Variants in CNTN5 observed in about 807,000 individuals in gnomAD.
CNTN5 encodes contactin 5.
Under a neutral mutation model 129.1 loss-of-function variants are expected in CNTN5, and 77 were observed. The ratio of observed to expected loss-of-function variants is 0.60; its 90% CI spans 0.50 to 0.72. CNTN5 has a LOEUF of 0.72. Among genes scored for constraint, CNTN5 ranks in the 30% least tolerant of loss-of-function variants. The pLI, the probability that CNTN5 is intolerant of heterozygous loss-of-function variation, is 0.00. For synonymous variants in CNTN5, 509 were observed against 465.6 expected (o/e 1.09, Z -1.20); for missense variants, 1,478 against 1,328.8 (o/e 1.11, Z -1.75).
At chr11:99,909,975 G>T (rs1384574323) in intron 6 of CNTN5, among the ~76,000 whole-genome samples, 1 of 150,926 alleles carries the variant, frequency 6.6e-6, no homozygotes, top group Non-Finnish European at 1.5e-5. Context: ...AATAAAAAAA[G>T]AATTGTAGCA....
intron 4 of CNTN5, among the ~76,000 whole-genome samples, chr11:99,838,731 C>T (rs1947382223): frequency 6.6e-6 from 1 of 152,166 alleles, no homozygotes. Flanking sequence ...TATTTCAGTT[C>T]CTTACCATGT....
chr11:99,438,389 T>A (rs767583730), intron 2 of CNTN5, among the ~76,000 whole-genome samples: 24 of 152,182 alleles, frequency 1.6e-4, no homozygotes, highest in Non-Finnish European at 7.4e-5. Flanking sequence ...ATTTCATGTC[T>A]TACAGCCAGT....
chr11:99,750,660 G>C (rs1358837071), intron 3 of CNTN5, among the ~76,000 whole-genome samples: 3 of 152,038 alleles, frequency 2.0e-5, no homozygotes, highest in African/African-American at 7.2e-5. Context: ...TAAATATACT[G>C]TGGAGCTCTT....
intron 3 of CNTN5, among the ~76,000 whole-genome samples, chr11:99,812,044 T>G (rs567012220): frequency 6.6e-6 from 1 of 152,050 alleles, no homozygotes; most frequent in Non-Finnish European, 1.5e-5. Context: ...GAAAGTGAAG[T>G]AGTATTTCTT....
chr11:99,921,072 C>T (rs1949927320), intron 7 of CNTN5, among the ~76,000 whole-genome samples: 1 of 152,156 alleles, frequency 6.6e-6, no homozygotes, highest in Non-Finnish European at 1.5e-5. Flanking sequence ...CAGAAACCAA[C>T]CATGCTGTCA....
At chr11:99,213,964 T>A (rs1859974993) in intron 1 of CNTN5, among the ~76,000 whole-genome samples, 1 of 152,180 alleles carries the variant, frequency 6.6e-6, no homozygotes. Flanking sequence ...TTAACTAAAA[T>A]TTTTGAATCA....
chr11:99,252,234 A>G (rs1015752535), intron 1 of CNTN5, among the ~76,000 whole-genome samples: 1 of 151,926 alleles, frequency 6.6e-6, no homozygotes, highest in African/African-American at 2.4e-5. Context: ...TGCGGATTAG[A>G]TCATTTTCCC....
intron 2 of CNTN5, among the ~76,000 whole-genome samples, chr11:99,344,658 A>G: frequency 6.6e-6 from 1 of 152,190 alleles, no homozygotes; most frequent in East Asian, 1.9e-4. Flanking sequence ...GGGTAATAGA[A>G]AAATTTAAAT....
At position 99,424,486 on chromosome 11, in the gene CNTN5, C is replaced by T. The variant is rs555804720; in HGVS notation, c.-71+99002C>T. Among the ~76,000 whole-genome samples, 44 of 152,286 alleles carry T rather than the reference C, an allele frequency of 2.9e-4. No individual in the cohort carries two copies. In the South Asian group the frequency reaches 8.9e-3, roughly 31 times the overall value. On this transcript the variant is annotated intron_variant, in intron 2 of 24. Transcript: ENST00000524871. The stretch of plus-strand genomic sequence containing the variant: ...AGGGGTGTGTAAATGATCACTGGGT[C>T]TGGCCACTGAACACAGCCAGGCATG...
intron 8 of CNTN5, among the ~76,000 whole-genome samples, chr11:99,973,838 T>C (rs964008349): frequency 6.6e-6 from 1 of 152,196 alleles, no homozygotes; most frequent in African/African-American, 2.4e-5. Context: ...TCTTCCAGAG[T>C]TCACTCCAAT....
intron 1 of CNTN5, among the ~76,000 whole-genome samples, chr11:99,067,397 C>A: frequency 6.9e-6 from 1 of 143,950 alleles, no homozygotes; most frequent in South Asian, 2.2e-4. Flanking sequence ...GAGACATGTG[C>A]AAGGGAAGCA....
intron 1 of CNTN5, among the ~76,000 whole-genome samples, chr11:99,289,037 A>T (rs1252873781): frequency 6.6e-6 from 1 of 151,748 alleles, no homozygotes; most frequent in East Asian, 1.9e-4. Flanking sequence ...ACTGTTTACT[A>T]CAGTTTTTTC....
chr11:100,313,056 G>A (rs1166308136), intron 21 of CNTN5, among the ~76,000 whole-genome samples: 3 of 151,920 alleles, frequency 2.0e-5, no homozygotes, highest in African/African-American at 7.3e-5. Context: ...TTGAGGGTTG[G>A]GTAGAGACAA....
intron 1 of CNTN5, among the ~76,000 whole-genome samples, chr11:99,089,751 G>C (rs1449549782): frequency 1.3e-5 from 2 of 152,060 alleles, no homozygotes; most frequent in Non-Finnish European, 2.9e-5. Flanking sequence ...AACAATACGG[G>C]ACAAATATCC....
At chr11:99,418,310 C>G (rs1318792906) in intron 2 of CNTN5, among the ~76,000 whole-genome samples, 1 of 152,046 alleles carries the variant, frequency 6.6e-6, no homozygotes, top group Non-Finnish European at 1.5e-5. Context: ...TATTCTTACT[C>G]TATGTGGAAA....
At chr11:100,006,199 A>T (rs1035930527) in intron 9 of CNTN5, among the ~76,000 whole-genome samples, 1 of 152,152 alleles carries the variant, frequency 6.6e-6, no homozygotes, top group Non-Finnish European at 1.5e-5. Context: ...GCTCATGCTG[A>T]TATAAGTCTT....
At chr11:99,113,593 A>C (rs1187200535) in intron 1 of CNTN5, among the ~76,000 whole-genome samples, 1 of 152,106 alleles carries the variant, frequency 6.6e-6, no homozygotes, top group African/African-American at 2.4e-5. Flanking sequence ...GCATTTCTCC[A>C]TTAACTCCGG....
intron 2 of CNTN5, among the ~76,000 whole-genome samples, chr11:99,374,597 T>C (rs1047278408): frequency 3.3e-5 from 5 of 152,064 alleles, no homozygotes; most frequent in African/African-American, 1.2e-4. Flanking sequence ...GGCAGGAGAA[T>C]GGCGTGAACC....
intron 3 of CNTN5, among the ~76,000 whole-genome samples, chr11:99,631,849 G>A (rs1214863821): frequency 6.6e-6 from 1 of 152,094 alleles, no homozygotes; most frequent in Admixed American, 6.6e-5. Context: ...GTGGTTACTT[G>A]TGGTCTGAAA....
Sources: allele counts gnomAD v4.1 joint callset (sites outside exome capture counted in the v4.1 genomes callset), GRCh38; gene constraint gnomAD v4.1.1; transcripts MANE v1.5; gene names NCBI Gene and HGNC (gene_info 2026-07-23, HGNC 2026-07-21).